Variants in PANK1 observed in about 807,000 individuals in gnomAD.
PANK1 encodes the protein pantothenate kinase 1.
A neutral mutation model predicts 40.1 loss-of-function variants in PANK1; 18 were observed. The ratio of observed to expected loss-of-function variants is 0.45; its 90% CI spans 0.31 to 0.67. The LOEUF (loss-of-function observed/expected upper bound fraction) is 0.67. PANK1 is among the 30% of genes least tolerant of loss of function. The pLI is 0.06. For missense variants in PANK1, 457 were observed against 599.6 expected (o/e 0.76, Z 2.48); for synonymous variants, 242 against 237.7 (o/e 1.02, Z -0.17).
chr10:89,643,097 G>A (rs1413578792), intron 1 of PANK1, among the ~76,000 whole-genome samples: 1 of 152,108 alleles, frequency 6.6e-6, no homozygotes, highest in African/African-American at 2.4e-5. Flanking sequence ...TATTTCAAGA[G>A]GTGTTATATC....
rs371829701 is a variant in PANK1 at position 89,642,064 on chromosome 10, G to T, written c.292+2536C>A. ...AGATAGTCTAAGAAAAGCCTTCCAA[G>T]AATAAGTAGAGTGAGGTGATGGCAC... On this transcript the variant is annotated intron_variant, in intron 1 of 6. Coordinates refer to ENST00000307534, the MANE Select transcript of PANK1 (RefSeq NM_148977.3). Among the ~76,000 whole-genome samples the T allele has an allele frequency of 1.4e-3, 219 of 152,292 alleles. 6 individuals carry two copies. The South Asian group carries it at 0.044, about 31-fold the overall frequency.
chr10:89,628,487 G>GATCT (rs141387895), intron 1 of PANK1, among the ~76,000 whole-genome samples: 20,185 of 152,018 alleles, frequency 0.13, 1,757 homozygotes, highest in East Asian at 0.43. Flanking sequence ...CAAAACTCTA[G>GATCT]AGACAGAAAA....
chr10:89,584,539 G>T, intron 6 of PANK1, 74 bp from the exon 7 acceptor site: 1 of 947,952 alleles, frequency 1.1e-6, no homozygotes, highest in Non-Finnish European at 1.7e-6. Flanking sequence ...TTCTAGGAAT[G>T]CCACTAATAT....
At chr10:89,609,373 A>T (rs552546292) in intron 2 of PANK1, among the ~76,000 whole-genome samples, 12 of 152,200 alleles carry the variant, frequency 7.9e-5, no homozygotes, top group Non-Finnish European at 1.6e-4. Context: ...CTCTATATTC[A>T]CTTTTTAAAT....
At chr10:89,641,517 GC>G (rs1424949867) in intron 1 of PANK1, among the ~76,000 whole-genome samples, 1 of 152,088 alleles carries the variant, frequency 6.6e-6, no homozygotes, top group East Asian at 1.9e-4. Context: ...CATTATTCCT[GC>G]CTGTTGCCAC....
intron 4 of PANK1, among the ~76,000 whole-genome samples, 193 bp downstream of exon 4, chr10:89,593,620 A>T (rs1818048712): frequency 6.6e-6 from 1 of 152,184 alleles, no homozygotes; most frequent in Admixed American, 6.5e-5. Flanking sequence ...AAGTTGCCTT[A>T]TTTTAAGAAC....
intron 1 of PANK1, among the ~76,000 whole-genome samples, chr10:89,631,443 A>G (rs1176890778): frequency 6.6e-6 from 1 of 152,228 alleles, no homozygotes; most frequent in African/African-American, 2.4e-5. Context: ...CCCTTGGTTC[A>G]ATCCTGAATC....
intron 5 of PANK1, 117 bp downstream of exon 5, chr10:89,593,080 G>A: frequency 3.0e-6 from 3 of 1,002,590 alleles, no homozygotes; most frequent in Admixed American, 1.9e-5. Context: ...AGTGTGACTA[G>A]AGTAAAGGGA....
chr10:89,580,591 T>C, downstream of PANK1: 1 of 152,354 alleles, frequency 6.6e-6, no homozygotes, highest in Non-Finnish European at 1.5e-5. Flanking sequence ...TCCCTTCCTC[T>C]CCACTTAGTG....
intron 2 of PANK1, among the ~76,000 whole-genome samples, chr10:89,608,311 G>T (rs909626526): frequency 6.6e-6 from 1 of 152,000 alleles, no homozygotes; most frequent in South Asian, 2.1e-4. Context: ...GATTACAGGC[G>T]TGAGCCACCG....
chr10:89,614,459 A>G (rs6586204), intron 1 of PANK1, among the ~76,000 whole-genome samples: 82,618 of 152,022 alleles, frequency 0.54, 23,323 homozygotes, highest in South Asian at 0.63. Flanking sequence ...AAACTGTCCA[A>G]TAAAATGGAT....
At position 89,628,505 on chromosome 10, in the gene PANK1, G is replaced by T. The variant is rs148859252; in HGVS notation, c.292+16095C>A. On this transcript the variant is annotated intron_variant, in intron 1 of 6. Coordinates refer to ENST00000307534, the MANE Select transcript of PANK1 (RefSeq NM_148977.3). ...AACTCTAGAGACAGAAAATAGATTA[G>T]TTGCCTAGGGTTGGGGATTGTGGGG... Among the ~76,000 whole-genome samples the T allele has an allele frequency of 1.5e-4, 23 of 152,166 alleles. No homozygotes were observed. In the East Asian group the frequency reaches 4.4e-3, roughly 29 times the overall value.
intron 3 of PANK1, among the ~76,000 whole-genome samples, chr10:89,595,824 A>T (rs1844553159): frequency 1.9e-5 from 1 of 52,720 alleles, no homozygotes; most frequent in East Asian, 1.1e-3. Flanking sequence ...CTTAAAAAAA[A>T]AAAAAAAAAA....
In PANK1 at chr10:89,612,041, T is replaced by A. The variant is rs376656328; in HGVS notation, c.300A>T (p.Pro100=). Residue 100 remains proline, a synonymous_variant, in exon 2 of 7, where the codon CCA becomes CCT. Coordinates refer to ENST00000307534, the MANE Select transcript of PANK1 (RefSeq NM_148977.3). ...DSGRKNRPPF[P]WFGMDIGGTL... is the part of the protein sequence containing the mutation. ...TTCCACCGATGTCCATGCCAAACCATGGGAATGCTAAAGGACAGAAAGAAA... is the reference window on the plus strand; with the variant it reads ...TTCCACCGATGTCCATGCCAAACCAAGGGAATGCTAAAGGACAGAAAGAAA... The A allele has an allele frequency of 2.5e-6, 4 of 1,612,112 alleles. No homozygotes were observed. In the African/African-American group the frequency reaches 5.3e-5, roughly 22 times the overall value.
intron 1 of PANK1, among the ~76,000 whole-genome samples, 181 bp downstream of exon 1, chr10:89,644,419 T>C (rs73378990): frequency 0.014 from 2,176 of 152,334 alleles, 49 homozygotes; most frequent in African/African-American, 0.049. Context: ...GGCAAAGACC[T>C]GTAGTGCTTG....
At chr10:89,595,833 AATATATATATATATAT>A (rs369831755) in intron 3 of PANK1, among the ~76,000 whole-genome samples, 1 of 33,778 alleles carries the variant, frequency 3.0e-5, no homozygotes, top group Non-Finnish European at 4.8e-5. Context: ...AAAAAAAAAA[AATATATATATATATAT>A]ATATATATAT....
intron 1 of PANK1, among the ~76,000 whole-genome samples, chr10:89,634,781 C>T (rs1038484060): frequency 5.9e-5 from 9 of 152,178 alleles, no homozygotes; most frequent in African/African-American, 2.2e-4. Flanking sequence ...ACAAGATTAG[C>T]AATCAAATAA....
chr10:89,631,800 G>C (rs967874984), intron 1 of PANK1, among the ~76,000 whole-genome samples: 1 of 152,050 alleles, frequency 6.6e-6, no homozygotes, highest in African/African-American at 2.4e-5. Flanking sequence ...GATTCTCCAG[G>C]GGCAACACAA....
chr10:89,581,468 G>C (rs1326754494), downstream of PANK1: 3 of 152,086 alleles, frequency 2.0e-5, no homozygotes, highest in Non-Finnish European at 4.4e-5. Flanking sequence ...TCCCAGGCTG[G>C]AGTGCATTGG....
Sources: gnomAD v4.1 joint callset for allele counts (sites outside exome capture counted in the v4.1 genomes callset) on GRCh38, gnomAD v4.1.1 for gene constraint, MANE v1.5 for transcripts, NCBI Gene and HGNC (gene_info 2026-07-23, HGNC 2026-07-21) for gene names.